SHANK2: variants seen among roughly 807,000 people sequenced by gnomAD.
The protein encoded by SHANK2 is SH3 and multiple ankyrin repeat domains 2.
Under a neutral mutation model 133.7 loss-of-function variants are expected in SHANK2, and 43 were observed. The observed-to-expected ratio is 0.32, with a 90% CI of 0.25 to 0.41. The LOEUF is 0.41. SHANK2 is among the 10% of genes least tolerant of loss of function. The pLI is 1.00. For missense variants in SHANK2, 1,994 were observed against 2,235.8 expected (o/e 0.89, Z 2.18); for synonymous variants, 1,017 against 952.8 (o/e 1.07, Z -1.24).
chr11:70,776,311 G>T (rs1051751015), intron 14 of SHANK2, among the ~76,000 whole-genome samples: 1 of 152,190 alleles, frequency 6.6e-6, no homozygotes, highest in Non-Finnish European at 1.5e-5. Context: ...CATTCCTCTG[G>T]CTCCACAGGG....
chr11:70,489,461 G>A (rs1184016796), intron 23 of SHANK2, 113 bp from the exon 24 acceptor site: 8 of 976,280 alleles, frequency 8.2e-6, no homozygotes, highest in South Asian at 2.6e-5. Flanking sequence ...CCACCTCCAC[G>A]GCCACTTACT....
intron 17 of SHANK2, among the ~76,000 whole-genome samples, chr11:70,602,377 A>C (rs530294924): frequency 1.3e-5 from 2 of 152,370 alleles, no homozygotes; most frequent in Admixed American, 1.3e-4. Context: ...GTAGAGCTGA[A>C]CACTTGCCTC....
intron 3 of SHANK2, among the ~76,000 whole-genome samples, chr11:71,140,034 A>T (rs1183152510): frequency 6.6e-6 from 1 of 152,170 alleles, no homozygotes; most frequent in Non-Finnish European, 1.5e-5. Flanking sequence ...CTCACTCGGC[A>T]GCTCCTGGCT....
At chr11:71,079,904 GGGGA>G (rs1565438987) in intron 8 of SHANK2, among the ~76,000 whole-genome samples, 1,139 of 87,508 alleles carry the variant, frequency 0.013, 9 homozygotes, top group Non-Finnish European at 0.016. Context: ...AGGAAGGGGA[GGGGA>G]GGGGAAGGAA....
chr11:70,627,096 C>T (rs1555000218), intron 17 of SHANK2, among the ~76,000 whole-genome samples: 1 of 152,118 alleles, frequency 6.6e-6, no homozygotes, highest in African/African-American at 2.4e-5. Context: ...TGAAGTGTCT[C>T]CTCTCACAGC....
At chr11:70,725,634 G>A (rs1018294364) in intron 14 of SHANK2, among the ~76,000 whole-genome samples, 9 of 152,214 alleles carry the variant, frequency 5.9e-5, no homozygotes, top group Admixed American at 3.3e-4. Flanking sequence ...AAGAGGATGC[G>A]AGGAGAAAAG....
At chr11:70,692,149 A>G (rs1945302836) in intron 15 of SHANK2, among the ~76,000 whole-genome samples, 1 of 152,126 alleles carries the variant, frequency 6.6e-6, no homozygotes, top group African/African-American at 2.4e-5. Context: ...AATATATAAA[A>G]ATACAAAATA....
intron 17 of SHANK2, among the ~76,000 whole-genome samples, chr11:70,525,926 G>A (rs537202157): frequency 2.6e-5 from 4 of 151,864 alleles, no homozygotes; most frequent in African/African-American, 9.7e-5. Flanking sequence ...GGTGGCCTGG[G>A]GGGCAACTGC....
rs79757584 is a variant in SHANK2 at position 70,784,507 on chromosome 11, G to A, written c.1777+13936C>T. Among the ~76,000 whole-genome samples the A allele has an allele frequency of 3.9e-3, 598 of 151,662 alleles. 2 individuals are homozygous for A. The highest frequency in any genetic ancestry group is 0.014 in the African/African-American group (569 of 41,302). On this transcript the variant is annotated intron_variant, in intron 14 of 25. Transcript: ENST00000601538. The stretch of plus-strand genomic sequence containing the variant: ...GAGTAGCTAGGATTACAGGTGTCAT[G>A]TTGGCCAGGCTGGTCTCGAACTCCT...
chr11:71,202,207 T>C (rs1233522249), intron 2 of SHANK2, among the ~76,000 whole-genome samples: 1 of 152,188 alleles, frequency 6.6e-6, no homozygotes, highest in African/African-American at 2.4e-5. Context: ...TTCTGCCGGG[T>C]GGCAGCCCAG....
intron 17 of SHANK2, among the ~76,000 whole-genome samples, chr11:70,532,738 A>G (rs535894513): frequency 5.7e-4 from 87 of 152,284 alleles, no homozygotes; most frequent in Non-Finnish European, 1.1e-3. Context: ...TTACCCAATG[A>G]CCCAGCAATT....
intron 17 of SHANK2, among the ~76,000 whole-genome samples, chr11:70,617,536 G>A (rs1554996446): frequency 6.6e-6 from 1 of 152,140 alleles, no homozygotes. Flanking sequence ...GGGCTTCAGA[G>A]CAGAGCTAGG....
intron 10 of SHANK2, among the ~76,000 whole-genome samples, chr11:70,949,717 C>G (rs2054558154): frequency 6.6e-6 from 1 of 152,216 alleles, no homozygotes; most frequent in Non-Finnish European, 1.5e-5. Context: ...TGCCCTGGCC[C>G]ATGCTGCAGG....
chr11:70,500,758 G>T lies in SHANK2; in HGVS notation c.2288-168C>A. On this transcript the variant is annotated intron_variant, in intron 20 of 25. Coordinates refer to ENST00000601538, the MANE Select transcript of SHANK2 (RefSeq NM_012309.5). This position sits in a 1 kb window ranked among gnomAD's most constrained non-coding sequence, Gnocchi z 4.5. Reference sequence around the variant, plus strand: ...TGCGAACGCAGGCTGCGCTATCCATGGAGTGGCTTTCCCCAAACCTTGGCT... The same window carrying T: ...TGCGAACGCAGGCTGCGCTATCCATTGAGTGGCTTTCCCCAAACCTTGGCT... 1.1e-6 allele frequency: 1 copy of T among 895,356 alleles called. No homozygotes were observed. Among genetic ancestry groups the T allele is most frequent in the South Asian group, 1.4e-5 (1 of 70,648 alleles). The allele number at this position is 895,356 out of a possible 1,614,324, so 55.5% of individuals were successfully genotyped here.
intron 17 of SHANK2, among the ~76,000 whole-genome samples, chr11:70,558,742 CT>C (rs2136118141): frequency 6.6e-6 from 1 of 152,276 alleles, no homozygotes; most frequent in Non-Finnish European, 1.5e-5. Flanking sequence ...CTGTGCACAC[CT>C]GAGCGGGAGG....
upstream of SHANK2, among the ~76,000 whole-genome samples, chr11:71,253,038 G>A (rs1277818843): frequency 6.6e-6 from 1 of 152,220 alleles, no homozygotes; most frequent in Non-Finnish European, 1.5e-5. Context: ...TTTGTACCCG[G>A]GTGATACGCC....
Position 70,473,331 on chromosome 11 carries a change from G to A in SHANK2, c.5088C>T (p.Asp1696=). The A allele has an allele frequency of 6.2e-7, 1 of 1,613,690 alleles. No individual in the cohort carries two copies. The highest frequency in any genetic ancestry group is 8.5e-7 in the Non-Finnish European group (1 of 1,180,028). ...TTGTTCCTGAGGTCCTGCTTTCATA[G>A]TCGGGGGGCCGGCTCTGCAGGGTGA... is the stretch of plus-strand genomic sequence containing the variant. ...QPITLQSRPP[D]YESRTSGTRR... The change falls in exon 26 of 26, where the codon GAC becomes GAT. Residue 1696 remains aspartate, a synonymous_variant. Transcript: ENST00000601538. The surrounding 1 kb of genome is among the most constrained non-coding windows in gnomAD (Gnocchi z 5.9).
At chr11:70,624,198 CTG>C (rs1554998972) in intron 17 of SHANK2, among the ~76,000 whole-genome samples, 1 of 152,064 alleles carries the variant, frequency 6.6e-6, no homozygotes, top group African/African-American at 2.4e-5. Context: ...GACACCATGC[CTG>C]CCACTTCCTG....
chr11:71,089,536 C>T (rs1951469423), intron 8 of SHANK2, among the ~76,000 whole-genome samples: 1 of 152,000 alleles, frequency 6.6e-6, no homozygotes, highest in African/African-American at 2.4e-5. Context: ...TCAGGCATTT[C>T]TGTTCACTGC....
Sources: gnomAD v4.1 joint callset for allele counts (sites outside exome capture counted in the v4.1 genomes callset) on GRCh38, gnomAD v4.1.1 for gene constraint, Gnocchi (gnomAD v3.1) non-coding constraint, MANE v1.5 for transcripts, NCBI Gene and HGNC (gene_info 2026-07-23, HGNC 2026-07-21) for gene names.